MYO1B: variants seen among roughly 807,000 people sequenced by gnomAD.
MYO1B encodes the protein myosin IB.
MYO1B carries 72 observed loss-of-function variants against 159.7 expected under a neutral mutation model. That is an observed-to-expected ratio of 0.45 (90% CI 0.37 to 0.55). The LOEUF is 0.55. Among genes scored for constraint, MYO1B ranks in the 20% least tolerant of loss-of-function variants. The pLI is 0.00. For synonymous variants in MYO1B, 468 were observed against 473.8 expected, an observed-to-expected ratio of 0.99 and a Z score of 0.16; for missense variants, 1,062 against 1,364.8, an observed-to-expected ratio of 0.78 and a Z score of 3.50.
intron 30 of MYO1B, among the ~76,000 whole-genome samples, chr2:191,420,735 G>A (rs980427939): frequency 1.6e-4 from 25 of 152,258 alleles, no homozygotes; most frequent in African/African-American, 5.1e-4. Flanking sequence ...ATATGTGTGT[G>A]TATATACATA....
At chr2:191,378,213 A>T (rs1694829336) in intron 13 of MYO1B, among the ~76,000 whole-genome samples, 1 of 152,130 alleles carries the variant, frequency 6.6e-6, no homozygotes, top group Non-Finnish European at 1.5e-5. Flanking sequence ...CTTTTTGGTG[A>T]TCTGCCAACC....
chr2:191,400,472 G>A lies in MYO1B; in HGVS notation c.2382+4G>A, dbSNP rs369108708. On this transcript the variant is annotated splice_donor_region_variant and intron_variant, in intron 22 of 30. Transcript: ENST00000392318. ...TGCATATTGGCATGGGACCCAGGTA[G>A]GCCCGAGACCCCAAGGAAGGCGGTG... 6.2e-7 allele frequency: 1 copy of A among 1,614,154 alleles called. No homozygotes were observed. Among genetic ancestry groups the A allele is most frequent in the Non-Finnish European group, 8.5e-7 (1 of 1,180,018 alleles).
At chr2:191,266,766 A>G (rs1419066358) in intron 1 of MYO1B, among the ~76,000 whole-genome samples, 1 of 152,310 alleles carries the variant, frequency 6.6e-6, no homozygotes, top group East Asian at 1.9e-4. Context: ...TTACGTCACA[A>G]GTGAGAGTTG....
At chr2:191,347,611 G>T (rs183703664) in intron 6 of MYO1B, among the ~76,000 whole-genome samples, 38 of 152,328 alleles carry the variant, frequency 2.5e-4, no homozygotes, top group African/African-American at 8.9e-4. Context: ...AGGCTTGGCA[G>T]GTGATTTGGC....
chr2:191,371,565 G>T (rs575093094), intron 13 of MYO1B, among the ~76,000 whole-genome samples: 2 of 152,230 alleles, frequency 1.3e-5, no homozygotes, highest in South Asian at 2.1e-4. Flanking sequence ...ACTCCCCAGG[G>T]TTATACAGCT....
intron 6 of MYO1B, among the ~76,000 whole-genome samples, 164 bp downstream of exon 6, chr2:191,346,446 T>A (rs1327888730): frequency 1.3e-5 from 2 of 152,234 alleles, no homozygotes; most frequent in Non-Finnish European, 2.9e-5. Context: ...ATTTCTGGAA[T>A]TTTCCTTTTG....
At chr2:191,384,750 AGAG>A (rs1238166727) in intron 15 of MYO1B, among the ~76,000 whole-genome samples, 3 of 152,256 alleles carry the variant, frequency 2.0e-5, no homozygotes, top group Non-Finnish European at 4.4e-5. Flanking sequence ...TCTTTTAAGA[AGAG>A]GAGAAAAAGA....
chr2:191,312,375 G>C (rs567820552), intron 3 of MYO1B, among the ~76,000 whole-genome samples: 7 of 151,964 alleles, frequency 4.6e-5, no homozygotes, highest in Non-Finnish European at 4.4e-5. Flanking sequence ...CATCTTTTGC[G>C]GTATATGGGA....
chr2:191,324,924 T>C (rs1169072820), intron 3 of MYO1B, among the ~76,000 whole-genome samples: 1 of 152,162 alleles, frequency 6.6e-6, no homozygotes. Context: ...TGGGCAAATG[T>C]TTCTGAATTA....
intron 2 of MYO1B, among the ~76,000 whole-genome samples, chr2:191,286,551 T>C (rs915117016): frequency 6.6e-6 from 1 of 152,196 alleles, no homozygotes; most frequent in Non-Finnish European, 1.5e-5. Flanking sequence ...TGTATAGTCA[T>C]TTTCTTAGTA....
intron 7 of MYO1B, 65 bp downstream of exon 7, chr2:191,350,290 A>C: frequency 8.5e-7 from 1 of 1,180,768 alleles, no homozygotes; most frequent in Non-Finnish European, 1.2e-6. Flanking sequence ...TTATAGTAGA[A>C]TAGTTTAGAT....
intron 16 of MYO1B, 68 bp downstream of exon 16, chr2:191,386,152 A>G (rs1695385422): frequency 6.7e-7 from 1 of 1,486,136 alleles, no homozygotes. Context: ...TGTACCTCAG[A>G]GATGGGCGTT....
chr2:191,300,413 G>A (rs889304890), intron 3 of MYO1B, among the ~76,000 whole-genome samples: 1 of 150,000 alleles, frequency 6.7e-6, no homozygotes, highest in Non-Finnish European at 1.5e-5. Flanking sequence ...GCGCGATCTC[G>A]GCTCACTGCA....
intron 1 of MYO1B, among the ~76,000 whole-genome samples, chr2:191,252,122 T>G (rs938662637): frequency 7.9e-5 from 12 of 152,240 alleles, no homozygotes; most frequent in South Asian, 4.1e-4. Context: ...TCATAGACAT[T>G]GGGCCTATGC....
At chr2:191,304,713 G>A (rs1689542151) in intron 3 of MYO1B, among the ~76,000 whole-genome samples, 1 of 152,152 alleles carries the variant, frequency 6.6e-6, no homozygotes, top group African/African-American at 2.4e-5. Context: ...CCAGCCTAAT[G>A]TTTTTATCAT....
chr2:191,329,888 A>C (rs372350351), intron 3 of MYO1B, 47 bp from the exon 4 acceptor site: 56 of 1,531,328 alleles, frequency 3.7e-5, no homozygotes, highest in Non-Finnish European at 4.8e-5. Flanking sequence ...ATAAACACAT[A>C]ATAATGATCT....
At chr2:191,390,541 A>G (rs775663280) in intron 18 of MYO1B, 49 bp downstream of exon 18, 9 of 1,551,322 alleles carry the variant, frequency 5.8e-6, no homozygotes, top group East Asian at 2.3e-5. Flanking sequence ...TAAGTGGTCA[A>G]ATAATACGGT....
intron 7 of MYO1B, among the ~76,000 whole-genome samples, chr2:191,359,468 T>C (rs1013991364): frequency 3.3e-5 from 5 of 152,292 alleles, no homozygotes; most frequent in Middle Eastern, 3.4e-3. Flanking sequence ...TACATATTTT[T>C]GTTCTTTTTC....
At position 191,245,540 on chromosome 2, in the gene MYO1B, C is replaced by A. The variant is rs981992948; in HGVS notation, c.-96C>A. 2.0e-5 allele frequency: 3 copies of A among 152,166 alleles called. No homozygotes were observed. Among genetic ancestry groups the A allele is most frequent in the Non-Finnish European group, 4.4e-5 (3 of 68,044 alleles). The allele number at this position is 152,166 out of a possible 1,614,324, so 9.4% of individuals were successfully genotyped here. ...AGCCGCGGCGGGAGCCCCGCAGCCC[C>A]GGGCTGGGCCCGCGTCCCGGAGCGC... is the stretch of plus-strand genomic sequence containing the variant. On this transcript the variant is annotated 5_prime_UTR_variant, in exon 1 of 31. Coordinates refer to ENST00000392318, the MANE Select transcript of MYO1B (RefSeq NM_001130158.3).
Sources: gnomAD v4.1 joint callset for allele counts (sites outside exome capture counted in the v4.1 genomes callset) on GRCh38, gnomAD v4.1.1 for gene constraint, MANE v1.5 for transcripts, NCBI Gene and HGNC (gene_info 2026-07-23, HGNC 2026-07-21) for gene names.